Variants in ETFB observed in about 807,000 individuals in gnomAD.
ETFB encodes the protein electron transfer flavoprotein subunit beta.
In ETFB, 20 loss-of-function variants were observed where a neutral mutation model predicts 25.6. The observed-to-expected ratio is 0.78, with a 90% confidence interval of 0.55 to 1.14. The LOEUF (loss-of-function observed/expected upper bound fraction) is 1.14, where lower values mean the gene tolerates loss of function less well. Among genes scored for constraint, ETFB ranks in the 50% most tolerant of loss-of-function variants. The pLI, the probability that ETFB is intolerant of heterozygous loss-of-function variation, is 0.00. For missense variants in ETFB, 286 were observed against 342.6 expected, an observed-to-expected ratio of 0.83 and a Z score of 1.30; for synonymous variants, 142 against 146.7, an observed-to-expected ratio of 0.97 and a Z score of 0.23.
chr19:51,358,635 C>A (rs1194832045), intron 1 of ETFB, among the ~76,000 whole-genome samples: 1 of 152,064 alleles, frequency 6.6e-6, no homozygotes, highest in Non-Finnish European at 1.5e-5. Context: ...CCCATCTCTA[C>A]TAAAAATAAA....
intron 1 of ETFB, chr19:51,354,535 A>G (rs751958348): frequency 9.3e-6 from 15 of 1,614,186 alleles, no homozygotes; most frequent in South Asian, 4.4e-5. Flanking sequence ...GGTACCAGGG[A>G]CATCTGACTT....
chr19:51,361,703 T>G (rs1038817576), intron 1 of ETFB: 2 of 90,546 alleles, frequency 2.2e-5, no homozygotes, highest in East Asian at 2.6e-4. Flanking sequence ...CTGGGTTTTT[T>G]TTTTTTTTTT....
chr19:51,347,229 C>G, intron 4 of ETFB, 171 bp from the exon 5 acceptor site: 1 of 681,656 alleles, frequency 1.5e-6, no homozygotes. Context: ...GGGAGAGGGT[C>G]TTTTTCCTTT....
chr19:51,350,479 T>G, intron 3 of ETFB, 88 bp from the exon 4 acceptor site: 3 of 731,050 alleles, frequency 4.1e-6, no homozygotes, highest in Non-Finnish European at 4.9e-6. Context: ...GTTGGCAAAC[T>G]TTTTCTTTCT....
intron 1 of ETFB, chr19:51,354,931 G>A (rs980320895): frequency 3.1e-5 from 12 of 393,214 alleles, no homozygotes; most frequent in South Asian, 5.3e-5. Flanking sequence ...GGGGAGGGGC[G>A]GAGCTTACCT....
chr19:51,364,655 A>G (rs939298976), intron 1 of ETFB, among the ~76,000 whole-genome samples: 1 of 152,218 alleles, frequency 6.6e-6, no homozygotes, highest in Non-Finnish European at 1.5e-5. Context: ...GAACAGTCAG[A>G]GCAGGGAGGA....
intron 1 of ETFB, chr19:51,356,190 G>A (rs1986075018): frequency 6.6e-6 from 1 of 152,032 alleles, no homozygotes; most frequent in Non-Finnish European, 1.5e-5. Context: ...CCTCTGTGGA[G>A]AGCTTTCTTC....
At chr19:51,346,626 C>A (rs1985789311) in intron 5 of ETFB, 2 of 444,430 alleles carry the variant, frequency 4.5e-6, no homozygotes, top group African/African-American at 2.0e-5. Flanking sequence ...GCTGGAATGA[C>A]AAAGGGAACA....
At chr19:51,363,577 T>C (rs1313437570) in intron 1 of ETFB, among the ~76,000 whole-genome samples, 2 of 152,024 alleles carry the variant, frequency 1.3e-5, no homozygotes, top group African/African-American at 4.8e-5. Flanking sequence ...GCCTCCCGAG[T>C]AGCTGGGACT....
intron 3 of ETFB, among the ~76,000 whole-genome samples, chr19:51,351,970 C>G (rs1985942485): frequency 6.6e-6 from 1 of 152,088 alleles, no homozygotes. Context: ...GCCTGTGGCT[C>G]TTCTGACGTC....
In ETFB at chr19:51,354,161, C is replaced by T. The variant is rs1312209145; in HGVS notation, c.205G>A (p.Ala69Thr). The T allele has an allele frequency of 1.9e-6, 3 of 1,613,858 alleles. No individual in the cohort carries two copies. The highest frequency in any genetic ancestry group is 2.5e-6 in the Non-Finnish European group (3 of 1,180,006). ...KEVIAVSCGP[A>T]QCQETIRTAL... ...AAGACCTTCATCACCTGGCACTGTGCAGGCCCACAGCTGACGGCGATGACC... is the reference window on the plus strand; with the variant it reads ...AAGACCTTCATCACCTGGCACTGTGTAGGCCCACAGCTGACGGCGATGACC... The change falls in exon 2 of 6, where the codon GCA (alanine) becomes ACA (threonine). Residue 69 changes from alanine to threonine, a missense_variant. By Grantham distance (58) the Ala-to-Thr change is moderately conservative. Coordinates refer to ENST00000309244, the MANE Select transcript of ETFB (RefSeq NM_001985.3).
At chr19:51,355,446 G>C (rs1261346568) in intron 1 of ETFB, 1 of 152,180 alleles carries the variant, frequency 6.6e-6, no homozygotes, top group Admixed American at 6.5e-5. Context: ...GAAAGAACAG[G>C]TGCTGGAGAG....
intron 1 of ETFB, among the ~76,000 whole-genome samples, chr19:51,361,062 C>A (rs145750599): frequency 0.026 from 4,005 of 152,120 alleles, 157 homozygotes; most frequent in African/African-American, 0.088. Flanking sequence ...TGAGATTACA[C>A]GTGTGGGCCA....
chr19:51,346,852 T>C (rs1985797365), intron 5 of ETFB, 48 bp downstream of exon 5: 3 of 1,524,804 alleles, frequency 2.0e-6, no homozygotes, highest in Non-Finnish European at 2.6e-6. Context: ...GGGCTGGCAA[T>C]GTGCTTGCCA....
At chr19:51,362,514 C>G (rs2044451456) in intron 1 of ETFB, among the ~76,000 whole-genome samples, 2 of 152,100 alleles carry the variant, frequency 1.3e-5, no homozygotes, top group African/African-American at 4.8e-5. Context: ...AGTGGAGGTT[C>G]CAGTGAGCTG....
chr19:51,360,691 A>T, intron 1 of ETFB, among the ~76,000 whole-genome samples: 1 of 152,236 alleles, frequency 6.6e-6, no homozygotes. Flanking sequence ...CCACGGTGTT[A>T]GGAGAGCCAG....
rs552737504 is a variant in ETFB, at chr19:51,360,429, A to T, written c.57+5841T>A. Reference sequence around the variant, plus strand: ...AAAAAAAAAAGAAAAGAAAAAAAAAATTTTTTTAAAAGCAGCACTGACCCA... The same window carrying T: ...AAAAAAAAAAGAAAAGAAAAAAAAATTTTTTTTAAAAGCAGCACTGACCCA... On this transcript the variant is annotated intron_variant, in intron 1 of 5. Coordinates refer to ENST00000309244, the MANE Select transcript of ETFB (RefSeq NM_001985.3). Among the ~76,000 whole-genome samples the T allele has an allele frequency of 2.0e-3, 308 of 151,754 alleles. 3 individuals carry two copies. The highest frequency in any genetic ancestry group is 6.9e-3 in the African/African-American group (284 of 41,362).
At chr19:51,349,550 G>GGATC (rs1436715176) in intron 4 of ETFB, among the ~76,000 whole-genome samples, 2 of 151,084 alleles carry the variant, frequency 1.3e-5, no homozygotes, top group Non-Finnish European at 2.9e-5. Context: ...TGAACTCAAG[G>GGATC]GATCCTCCCA....
intron 4 of ETFB, chr19:51,348,570 C>G (rs1164637863): frequency 1.3e-5 from 2 of 152,130 alleles, no homozygotes; most frequent in African/African-American, 4.8e-5. Flanking sequence ...GCTTGGGCAA[C>G]ATAGTGAGAC....
Sources: allele counts gnomAD v4.1 joint callset (sites outside exome capture counted in the v4.1 genomes callset), GRCh38; gene constraint gnomAD v4.1.1; transcripts MANE v1.5; gene names NCBI Gene and HGNC (gene_info 2026-07-23, HGNC 2026-07-21).